COG3: variants seen among roughly 807,000 people sequenced by gnomAD.
COG3 encodes conserved oligomeric Golgi complex subunit 3.
In COG3, 32 loss-of-function variants were observed where a neutral mutation model predicts 114.1. The ratio of observed to expected loss-of-function variants is 0.28; its 90% confidence interval spans 0.21 to 0.38. COG3 has a LOEUF of 0.38. Ranked by LOEUF, COG3 falls within the 10% of genes least tolerant of loss-of-function variation. The pLI is 1.00. For missense variants in COG3, 813 were observed against 973.2 expected (o/e 0.84, Z 2.19); for synonymous variants, 352 against 365.7 (o/e 0.96, Z 0.43).
chr13:45,491,833 TTTTTG>T (rs1887035836), intron 10 of COG3, among the ~76,000 whole-genome samples: 1 of 152,158 alleles, frequency 6.6e-6, no homozygotes, highest in African/African-American at 2.4e-5. Context: ...CAGAAGTGCT[TTTTTG>T]TTTAGTGTAA....
intron 13 of COG3, among the ~76,000 whole-genome samples, chr13:45,497,379 A>G (rs1566255488): frequency 1.3e-5 from 2 of 152,220 alleles, no homozygotes; most frequent in African/African-American, 2.4e-5. Flanking sequence ...AAACTGTAAT[A>G]TGATGAACTC....
chr13:45,478,038 T>G (rs1460998999), intron 2 of COG3, among the ~76,000 whole-genome samples: 2 of 152,212 alleles, frequency 1.3e-5, no homozygotes, highest in African/African-American at 4.8e-5. Flanking sequence ...TGTTACCTAC[T>G]CAAATTTTGT....
chr13:45,492,081 A>G (rs1887054245), intron 10 of COG3, 78 bp from the exon 11 acceptor site: 1 of 852,460 alleles, frequency 1.2e-6, no homozygotes, highest in Non-Finnish European at 1.9e-6. Flanking sequence ...TCTGCACATA[A>G]AGTGTAGGCT....
chr13:45,511,172 T>A (rs4144095), intron 15 of COG3, among the ~76,000 whole-genome samples: 1 of 138,414 alleles, frequency 7.2e-6, no homozygotes, highest in African/African-American at 2.6e-5. Flanking sequence ...TTTTTTTTTT[T>A]AAACTCCATT....
intron 15 of COG3, 95 bp from the exon 16 acceptor site, chr13:45,511,670 A>C: frequency 1.1e-6 from 1 of 874,286 alleles, no homozygotes; most frequent in Non-Finnish European, 1.9e-6. Context: ...CATGAGGGCA[A>C]GCAGGCATTG....
intron 8 of COG3, among the ~76,000 whole-genome samples, chr13:45,489,428 CTGAT>C (rs1166736929): frequency 1.3e-5 from 2 of 151,756 alleles, no homozygotes; most frequent in African/African-American, 4.8e-5. Context: ...TAGATTGTGC[CTGAT>C]TGATTGCTTT....
intron 15 of COG3, among the ~76,000 whole-genome samples, 192 bp downstream of exon 15, chr13:45,510,008 A>T (rs1278458449): frequency 6.6e-6 from 1 of 152,200 alleles, no homozygotes; most frequent in African/African-American, 2.4e-5. Flanking sequence ...TAATTCAGTA[A>T]TGGGCTTTGG....
intron 20 of COG3, 104 bp from the exon 21 acceptor site, chr13:45,529,687 C>A: frequency 1.3e-6 from 1 of 770,974 alleles, no homozygotes; most frequent in Middle Eastern, 3.6e-4. Flanking sequence ...AATAAAGAGT[C>A]TTTTCTTCTG....
At chr13:45,524,948 C>CT in intron 19 of COG3, 28 bp from the exon 20 acceptor site, 1 of 1,594,604 alleles carries the variant, frequency 6.3e-7, no homozygotes, top group Non-Finnish European at 8.6e-7. Context: ...TGAAATGAAA[C>CT]TTTTTTTCTT....
In COG3 at chr13:45,533,141, C is replaced by T. The variant is rs142612837; in HGVS notation, c.2458-1561C>T. 1.8e-4 allele frequency among the ~76,000 whole-genome samples: 27 copies of T among 151,690 alleles called. 1 individual carries two copies. The highest frequency in any genetic ancestry group is 6.3e-4 in the African/African-American group (26 of 41,338). ...TTCTGAGTGAAATAAGAAGCAAGGT[C>T]ATCACCGAGAGGGAGGAGACAGGCT... On this transcript the variant is annotated intron_variant, in intron 22 of 22. Transcript: ENST00000349995.
Position 45,492,172 on chromosome 13 carries a change from G to T in COG3, c.1109G>T (p.Cys370Phe). Reference sequence around the variant, plus strand: ...TGTTTACTGCAGGTTCGTAGTGGCTGTGCCTTCATGGTTCATGTCTGCCAG... The same window carrying T: ...TGTTTACTGCAGGTTCGTAGTGGCTTTGCCTTCATGGTTCATGTCTGCCAG... The part of the protein sequence containing the change: ...RDHCALVRSG[C>F]AFMVHVCQDE... Residue 370 changes from cysteine (C) to phenylalanine (F), a missense_variant, in exon 11 of 23, where the codon TGT (cysteine) becomes TTT (phenylalanine). By Grantham distance (205) the Cys-to-Phe change is radical. Coordinates refer to ENST00000349995, the MANE Select transcript of COG3 (RefSeq NM_031431.4). 1 of 1,605,098 alleles carries T rather than the reference G, an allele frequency of 6.2e-7. No homozygotes were observed. Among genetic ancestry groups the T allele is most frequent in the Admixed American group, 1.7e-5 (1 of 58,514 alleles).
chr13:45,524,681 T>G (rs2137917595), intron 19 of COG3, among the ~76,000 whole-genome samples: 1 of 152,336 alleles, frequency 6.6e-6, no homozygotes, highest in Non-Finnish European at 1.5e-5. Flanking sequence ...TTCATTTTTG[T>G]CTTCCTAGTG....
At chr13:45,500,509 A>C (rs1310665356) in intron 13 of COG3, among the ~76,000 whole-genome samples, 1 of 152,126 alleles carries the variant, frequency 6.6e-6, no homozygotes, top group Non-Finnish European at 1.5e-5. Flanking sequence ...CTTTTCTTGG[A>C]TGTCAAATGT....
intron 7 of COG3, among the ~76,000 whole-genome samples, chr13:45,484,234 T>A (rs57827091): frequency 0.023 from 3,458 of 151,986 alleles, 130 homozygotes; most frequent in African/African-American, 0.078. Context: ...TAACCTATAT[T>A]TTTTTTTATT....
chr13:45,515,734 C>T (rs555200878), intron 16 of COG3, among the ~76,000 whole-genome samples: 2 of 152,314 alleles, frequency 1.3e-5, no homozygotes, highest in African/African-American at 4.8e-5. Flanking sequence ...TAGTGAAAGC[C>T]ATGTTCCTGA....
chr13:45,482,053 G>A (rs1306715277), intron 5 of COG3, among the ~76,000 whole-genome samples: 1 of 152,022 alleles, frequency 6.6e-6, no homozygotes, highest in Non-Finnish European at 1.5e-5. Flanking sequence ...TATGTATATT[G>A]TATACCAGAA....
chr13:45,522,325 T>G (rs1216539012), intron 19 of COG3, among the ~76,000 whole-genome samples: 1 of 152,160 alleles, frequency 6.6e-6, no homozygotes, highest in Non-Finnish European at 1.5e-5. Context: ...TAGAGAATAT[T>G]TTTAGATTGT....
At position 45,483,311 on chromosome 13, in the gene COG3, A is replaced by G. The variant is rs374570977; in HGVS notation, c.799A>G (p.Thr267Ala). The change falls in exon 7 of 23, where the codon ACT (threonine) becomes GCT (alanine). Residue 267 changes from threonine to alanine, a missense_variant. Thr to Ala is a moderately conservative substitution (Grantham distance 58, BLOSUM62 0). Coordinates refer to ENST00000349995, the MANE Select transcript of COG3 (RefSeq NM_031431.4). ...AGCTTTGCACCTCATGAAGACATAT[A>G]CTGTGAACACACTACAGACCCTCAC... Reference protein sequence around the residue: ...SKALHLMKTYTVNTLQTLTSQ... With the variant: ...SKALHLMKTYAVNTLQTLTSQ... The G allele has an allele frequency of 1.2e-6, 2 of 1,602,308 alleles. No individual in the cohort carries two copies. The highest frequency in any genetic ancestry group is 1.3e-5 in the African/African-American group (1 of 74,604).
chr13:45,531,022 CTG>C, intron 22 of COG3: 1 of 1,129,844 alleles, frequency 8.9e-7, no homozygotes, highest in Non-Finnish European at 1.1e-6. Flanking sequence ...ATGAATATTG[CTG>C]TGTTTAAGAG....
Sources: allele counts gnomAD v4.1 joint callset (sites outside exome capture counted in the v4.1 genomes callset), GRCh38; gene constraint gnomAD v4.1.1; transcripts MANE v1.5; gene names NCBI Gene and HGNC (gene_info 2026-07-23, HGNC 2026-07-21).